The following POLK variants were observed in gnomAD, a reference collection of about 807,000 sequenced individuals.
POLK encodes DNA polymerase kappa, also known as polymerase (DNA directed) kappa.
In POLK, 76 loss-of-function variants were observed where a neutral mutation model predicts 94.0. That is an observed-to-expected ratio of 0.81 (90% CI 0.67 to 0.98). The LOEUF is 0.98. Among genes scored for constraint, POLK ranks in the 50% least tolerant of loss-of-function variants. The probability of loss-of-function intolerance (pLI) is 0.00; values close to 1 mark genes in which losing one functional copy is unlikely to be tolerated. For missense variants in POLK, 954 were observed against 1,010.1 expected (o/e 0.94, Z 0.75); for synonymous variants, 349 against 325.4 (o/e 1.07, Z -0.78).
At chr5:75,604,068 A>G (rs1424034628), downstream of POLK, among the ~76,000 whole-genome samples, 1 of 152,214 alleles carries the variant, frequency 6.6e-6, no homozygotes, top group Non-Finnish European at 1.5e-5. Context: ...ATGTAAATGA[A>G]TAAATAGTAT....
At chr5:75,576,689 C>A in intron 5 of POLK, 91 bp from the exon 6 acceptor site, 1 of 556,840 alleles carries the variant, frequency 1.8e-6, no homozygotes, top group Non-Finnish European at 3.0e-6. Context: ...TAGTTGCAAA[C>A]TAAGAATATT....
chr5:75,543,559 A>G (rs769672567), intron 1 of POLK, among the ~76,000 whole-genome samples: 11 of 152,188 alleles, frequency 7.2e-5, no homozygotes, highest in Non-Finnish European at 1.3e-4. Flanking sequence ...ATGGAGGCAG[A>G]TGAAAAGATT....
chr5:75,609,678 C>T, the POLK span: 9 of 152,190 alleles, frequency 5.9e-5, no homozygotes, highest in Non-Finnish European at 8.8e-5. Flanking sequence ...GCATAATACT[C>T]AATTCAACTT....
chr5:75,556,669 C>A (rs2112683352), intron 3 of POLK, among the ~76,000 whole-genome samples: 1 of 149,410 alleles, frequency 6.7e-6, no homozygotes, highest in Non-Finnish European at 1.5e-5. Flanking sequence ...GTCTGTGATT[C>A]ATTTGAGTTC....
chr5:75,542,844 C>T (rs935134464), intron 1 of POLK, among the ~76,000 whole-genome samples: 5 of 150,388 alleles, frequency 3.3e-5, no homozygotes, highest in African/African-American at 1.2e-4. Flanking sequence ...TCCTGAGTAG[C>T]TGGGATTACA....
At chr5:75,542,976 G>T (rs776358967) in intron 1 of POLK, among the ~76,000 whole-genome samples, 14 of 150,894 alleles carry the variant, frequency 9.3e-5, no homozygotes, top group Non-Finnish European at 1.8e-4. Context: ...CTCCCAAAGT[G>T]CTGGGATTAC....
chr5:75,582,651 T>G (rs1772249682), intron 7 of POLK: 1 of 152,126 alleles, frequency 6.6e-6, no homozygotes, highest in African/African-American at 2.4e-5. Context: ...ATAGAACCAC[T>G]ATAAAAACAA....
At chr5:75,518,774 T>G (rs1011681737) in intron 1 of POLK, among the ~76,000 whole-genome samples, 1 of 152,234 alleles carries the variant, frequency 6.6e-6, no homozygotes, top group African/African-American at 2.4e-5. Flanking sequence ...CTCTTGGTAC[T>G]GCTACTTTTG....
At chr5:75,545,646 G>C (rs1042685107) in intron 1 of POLK, among the ~76,000 whole-genome samples, 7 of 151,938 alleles carry the variant, frequency 4.6e-5, no homozygotes, top group Admixed American at 4.6e-4. Flanking sequence ...CCTTAGAGAT[G>C]ACGTAACTTT....
At chr5:75,600,460 A>G (rs1022959254) in exon 15 of POLK, 4 of 152,220 alleles carry the variant, frequency 2.6e-5, no homozygotes, top group Non-Finnish European at 5.9e-5. Context: ...TTTGCAGGTT[A>G]TCTTTCATTA....
chr5:75,587,086 G>A (rs1354741452), intron 10 of POLK, 28 bp downstream of exon 10: 4 of 1,239,890 alleles, frequency 3.2e-6, no homozygotes, highest in East Asian at 2.4e-5. Context: ...ATTGTTAATT[G>A]TGCATAATTC....
chr5:75,541,730 T>G (rs1237923425), intron 1 of POLK, among the ~76,000 whole-genome samples: 1 of 152,196 alleles, frequency 6.6e-6, no homozygotes. Context: ...TTTTTAAAGT[T>G]TTTTCCTCTT....
chr5:75,547,696 C>T (rs1265417140), intron 2 of POLK, among the ~76,000 whole-genome samples: 1 of 152,130 alleles, frequency 6.6e-6, no homozygotes, highest in Admixed American at 6.6e-5. Context: ...GGAATTGTTT[C>T]ACCAACTACA....
chr5:75,561,824 T>C (rs911303625), intron 3 of POLK, among the ~76,000 whole-genome samples: 3 of 152,116 alleles, frequency 2.0e-5, no homozygotes, highest in African/African-American at 7.2e-5. Context: ...TGTAGATATG[T>C]GGTGTTATTT....
chr5:75,580,791 A>G (rs930785215), intron 6 of POLK, among the ~76,000 whole-genome samples: 8 of 151,090 alleles, frequency 5.3e-5, no homozygotes, highest in African/African-American at 1.9e-4. Flanking sequence ...TAATTATTAT[A>G]TATTGTTTAT....
At chr5:75,546,926 C>A in intron 1 of POLK, 84 bp from the exon 2 acceptor site, 1 of 605,634 alleles carries the variant, frequency 1.7e-6, no homozygotes, top group Admixed American at 3.0e-5. Flanking sequence ...CTCGGCCTCC[C>A]AAAGTGCTAG....
At chr5:75,531,369 G>A (rs989650233) in intron 1 of POLK, among the ~76,000 whole-genome samples, 1 of 150,880 alleles carries the variant, frequency 6.6e-6, no homozygotes, top group Non-Finnish European at 1.5e-5. Flanking sequence ...TAGCTATATA[G>A]TATATAGCTA....
At chr5:75,531,033 T>G (rs531079480) in intron 1 of POLK, among the ~76,000 whole-genome samples, 1 of 151,984 alleles carries the variant, frequency 6.6e-6, no homozygotes, top group African/African-American at 2.4e-5. Flanking sequence ...GGTCTCGATC[T>G]CCTGACCTCG....
chr5:75,535,186 A>G (rs527761672), intron 1 of POLK, among the ~76,000 whole-genome samples: 1 of 152,320 alleles, frequency 6.6e-6, no homozygotes, highest in Admixed American at 6.5e-5. Flanking sequence ...CTTGTCTGAA[A>G]AGGATCTTAT....
Sources: gnomAD v4.1 joint callset for allele counts (sites outside exome capture counted in the v4.1 genomes callset) on GRCh38, gnomAD v4.1.1 for gene constraint, MANE v1.5 for transcripts, NCBI Gene and HGNC (gene_info 2026-07-23, HGNC 2026-07-21) for gene names.